Variants in RBMS3 observed in about 807,000 individuals in gnomAD.
RBMS3 encodes the protein RNA-binding motif, single-stranded-interacting protein 3.
RBMS3 carries 27 observed loss-of-function variants against 66.8 expected under a neutral mutation model. The observed-to-expected ratio is 0.40, with a 90% CI of 0.30 to 0.56. The LOEUF is 0.56. RBMS3 is among the 20% of genes least tolerant of loss of function. The pLI, the probability that RBMS3 is intolerant of heterozygous loss-of-function variation, is 0.40. For missense variants in RBMS3, 513 were observed against 549.5 expected (o/e 0.93, Z 0.66); for synonymous variants, 188 against 183.0 (o/e 1.03, Z -0.22).
intron 7 of RBMS3, among the ~76,000 whole-genome samples, chr3:29,880,164 T>C (rs561984649): frequency 1.3e-3 from 191 of 152,294 alleles, no homozygotes; most frequent in African/African-American, 4.4e-3. Context: ...CTGGAAGATC[T>C]AAAGTGTCCT....
intron 6 of RBMS3, among the ~76,000 whole-genome samples, chr3:29,787,880 A>T (rs141008111): frequency 2.6e-5 from 4 of 152,282 alleles, no homozygotes; most frequent in African/African-American, 9.6e-5. Flanking sequence ...ATATTTAGCC[A>T]TTTATTTTTC....
intron 6 of RBMS3, among the ~76,000 whole-genome samples, chr3:29,844,128 G>C (rs1259409607): frequency 6.6e-6 from 1 of 152,178 alleles, no homozygotes; most frequent in Non-Finnish European, 1.5e-5. Flanking sequence ...ATCAAGAAGA[G>C]TGGAAGAGTG....
At chr3:29,306,073 TTTTAGACC>T (rs1028546071) in intron 1 of RBMS3, among the ~76,000 whole-genome samples, 5 of 151,978 alleles carry the variant, frequency 3.3e-5, no homozygotes, top group African/African-American at 1.2e-4. Flanking sequence ...ATATCTTTTC[TTTTAGACC>T]TTTAGAAAAT....
At chr3:29,524,580 A>T (rs2045008491) in intron 3 of RBMS3, among the ~76,000 whole-genome samples, 1 of 151,446 alleles carries the variant, frequency 6.6e-6, no homozygotes, top group Admixed American at 6.6e-5. Flanking sequence ...GGTGCGAACC[A>T]CTGCGCCCAG....
intron 3 of RBMS3, among the ~76,000 whole-genome samples, chr3:29,514,369 C>T (rs1376505923): frequency 6.6e-6 from 1 of 152,012 alleles, no homozygotes; most frequent in Admixed American, 6.6e-5. Flanking sequence ...CAAAAGCTTT[C>T]TTGACAAGAA....
chr3:29,679,512 C>T (rs1021839299), intron 4 of RBMS3, among the ~76,000 whole-genome samples: 1 of 152,034 alleles, frequency 6.6e-6, no homozygotes, highest in Non-Finnish European at 1.5e-5. Flanking sequence ...ATTTGTAGCT[C>T]ATACCAGCCA....
intron 4 of RBMS3, among the ~76,000 whole-genome samples, chr3:29,681,313 T>C (rs2051482863): frequency 6.6e-6 from 1 of 152,230 alleles, no homozygotes; most frequent in Admixed American, 6.5e-5. Context: ...AATAGCCTCA[T>C]GCTGACTGAT....
intron 1 of RBMS3, among the ~76,000 whole-genome samples, chr3:29,343,410 A>G (rs2036394854): frequency 6.6e-6 from 1 of 152,160 alleles, no homozygotes; most frequent in Admixed American, 6.6e-5. Context: ...CATATTAACT[A>G]CTTTAGTCTG....
intron 4 of RBMS3, among the ~76,000 whole-genome samples, chr3:29,599,516 A>G (rs549245292): frequency 6.6e-6 from 1 of 152,268 alleles, no homozygotes; most frequent in African/African-American, 2.4e-5. Flanking sequence ...AGAAGCAATA[A>G]GCAGATACAT....
At chr3:29,642,340 C>A (rs1268064959) in intron 4 of RBMS3, among the ~76,000 whole-genome samples, 1 of 151,998 alleles carries the variant, frequency 6.6e-6, no homozygotes, top group African/African-American at 2.4e-5. Flanking sequence ...GCCTGTTAAC[C>A]TTTTCTTAAA....
Position 29,483,009 on chromosome 3 carries a change from C to G in RBMS3, c.249-5432C>G, listed in dbSNP as rs2043192020. On this transcript the variant is annotated intron_variant, in intron 2 of 14. Coordinates refer to ENST00000383767, the MANE Select transcript of RBMS3 (RefSeq NM_001003793.3). ...ACGTGAGCCGCCGCCCCCAGCCTAC[C>G]ATTTTCAATTTAAAGTATTATATGA... 2.0e-5 allele frequency among the ~76,000 whole-genome samples: 3 copies of G among 151,734 alleles called. No homozygotes were observed. In the South Asian group the frequency reaches 6.2e-4, roughly 32 times the overall value.
At chr3:29,989,781 G>T (rs1274814609) in intron 13 of RBMS3, among the ~76,000 whole-genome samples, 1 of 152,090 alleles carries the variant, frequency 6.6e-6, no homozygotes, top group Non-Finnish European at 1.5e-5. Flanking sequence ...AAGAATATAT[G>T]ATTAAATTTC....
At chr3:29,366,796 TC>T (rs1436132107) in intron 1 of RBMS3, among the ~76,000 whole-genome samples, 37 of 152,338 alleles carry the variant, frequency 2.4e-4, no homozygotes, top group African/African-American at 8.4e-4. Context: ...TCTTCCTGCA[TC>T]ATTTTATTCC....
At chr3:29,528,239 A>G (rs935232466) in intron 3 of RBMS3, among the ~76,000 whole-genome samples, 2 of 151,766 alleles carry the variant, frequency 1.3e-5, no homozygotes, top group African/African-American at 4.8e-5. Flanking sequence ...CAGCCTCTCA[A>G]ATAGCTGGGA....
At chr3:29,720,512 C>T (rs2053598405) in intron 4 of RBMS3, among the ~76,000 whole-genome samples, 1 of 152,074 alleles carries the variant, frequency 6.6e-6, no homozygotes, top group Admixed American at 6.6e-5. Flanking sequence ...ATGATAGGGT[C>T]TACCTATGTA....
chr3:29,295,213 G>A (rs997646250), intron 1 of RBMS3, among the ~76,000 whole-genome samples: 6 of 149,112 alleles, frequency 4.0e-5, no homozygotes, highest in Admixed American at 1.3e-4. Context: ...GTTCTGCAGT[G>A]TTCTCCTCTG....
chr3:29,759,676 TC>T (rs1272633522), intron 5 of RBMS3, among the ~76,000 whole-genome samples: 2 of 151,590 alleles, frequency 1.3e-5, no homozygotes, highest in East Asian at 3.9e-4. Context: ...ATGGGCACAT[TC>T]TTCCTAAGAT....
At chr3:29,781,546 C>G (rs990329519) in intron 6 of RBMS3, among the ~76,000 whole-genome samples, 2 of 152,082 alleles carry the variant, frequency 1.3e-5, no homozygotes, top group African/African-American at 4.8e-5. Context: ...TATTATTAAT[C>G]AGGGTTAGCT....
At chr3:29,574,673 G>C (rs1220519395) in intron 3 of RBMS3, among the ~76,000 whole-genome samples, 1 of 151,904 alleles carries the variant, frequency 6.6e-6, no homozygotes, top group Admixed American at 6.6e-5. Flanking sequence ...TAGTGAATGT[G>C]ATTTTCTCTG....
Sources: gnomAD v4.1 joint callset for allele counts (sites outside exome capture counted in the v4.1 genomes callset) on GRCh38, gnomAD v4.1.1 for gene constraint, MANE v1.5 for transcripts, NCBI Gene and HGNC (gene_info 2026-07-23, HGNC 2026-07-21) for gene names.